SCAF4: variants seen among roughly 807,000 people sequenced by gnomAD.
SCAF4 encodes SR-related and CTD-associated factor 4.
In SCAF4, 25 loss-of-function variants were observed where a neutral mutation model predicts 129.8. That is an observed-to-expected ratio of 0.19 (90% CI 0.14 to 0.27). The LOEUF is 0.27. Among genes scored for constraint, SCAF4 ranks in the 10% least tolerant of loss-of-function variants. The pLI is 1.00. For synonymous variants in SCAF4, 551 were observed against 497.7 expected, an observed-to-expected ratio of 1.11 and a Z score of -1.43; for missense variants, 1,246 against 1,457.1, an observed-to-expected ratio of 0.86 and a Z score of 2.36.
chr21:31,682,523 T>G (rs964513487), intron 19 of SCAF4, among the ~76,000 whole-genome samples: 1 of 152,212 alleles, frequency 6.6e-6, no homozygotes, highest in East Asian at 1.9e-4. Context: ...ACCTGTAATA[T>G]AAGCACCCAC....
chr21:31,687,141 C>G (rs576022693), intron 16 of SCAF4, among the ~76,000 whole-genome samples: 1 of 152,192 alleles, frequency 6.6e-6, no homozygotes, highest in Non-Finnish European at 1.5e-5. Context: ...AATTCACTTT[C>G]ATGATAGCTC....
chr21:31,705,427 T>C lies in SCAF4; in HGVS notation c.155A>G (p.Lys52Arg), dbSNP rs1199367273. Residue 52 changes from lysine (K) to arginine (R), a missense_variant, in exon 3 of 20, where the codon AAA becomes AGA. By Grantham distance (26) the Lys-to-Arg change is conservative. This residue lies in a region of SCAF4 where 56 missense variants were observed against 139.4 expected (regional missense o/e 0.40). Transcript: ENST00000286835. Reference protein sequence around the residue: ...HVVQIVEKFIKKCKPEYKVPG... With the variant: ...HVVQIVEKFIRKCKPEYKVPG... ...GTTATAATGAGAGATAGTTACCTTT[T>C]TGATGAACTTTTCTACTATTTGAAC... The C allele has an allele frequency of 1.6e-6, 2 of 1,262,582 alleles. No homozygotes were observed. The highest frequency in any genetic ancestry group is 2.5e-5 in the East Asian group (1 of 40,050). 78.2% of individuals were successfully genotyped at this position (1,262,582 alleles called of 1,614,324 possible). A position where few individuals can be genotyped will look rare whatever the true frequency, so the allele number is the denominator to read the frequency against.
intron 19 of SCAF4, among the ~76,000 whole-genome samples, chr21:31,677,958 C>T (rs893353371): frequency 6.6e-6 from 1 of 152,010 alleles, no homozygotes; most frequent in South Asian, 2.1e-4. Flanking sequence ...GTTTCTGGCA[C>T]GTGGAACTAT....
chr21:31,681,711 A>G (rs979601500), intron 19 of SCAF4, among the ~76,000 whole-genome samples: 1 of 152,228 alleles, frequency 6.6e-6, no homozygotes, highest in African/African-American at 2.4e-5. Context: ...CAGTATTACT[A>G]AAAGAATCAA....
At chr21:31,731,175 G>A (rs2051344942) in intron 1 of SCAF4, among the ~76,000 whole-genome samples, 2 of 152,136 alleles carry the variant, frequency 1.3e-5, no homozygotes, top group South Asian at 4.1e-4. Flanking sequence ...GACGCGCCGC[G>A]GCCTGAGCAA....
intron 1 of SCAF4, among the ~76,000 whole-genome samples, chr21:31,722,855 A>C (rs898622215): frequency 1.3e-5 from 2 of 152,178 alleles, no homozygotes; most frequent in Non-Finnish European, 2.9e-5. Context: ...CAGGAGGCTG[A>C]GGCAAGGAAA....
chr21:31,676,387 C>T (rs1264677968), intron 19 of SCAF4, among the ~76,000 whole-genome samples: 2 of 152,266 alleles, frequency 1.3e-5, no homozygotes, highest in East Asian at 1.9e-4. Context: ...CCTCACAAGG[C>T]CCTTCATGTT....
chr21:31,729,459 G>A (rs1339073043), intron 1 of SCAF4, among the ~76,000 whole-genome samples: 1 of 152,188 alleles, frequency 6.6e-6, no homozygotes, highest in African/African-American at 2.4e-5. Context: ...AGACTTTTAG[G>A]TGACTGAAAT....
rs1454153496 is a variant in SCAF4 at position 31,702,488 on chromosome 21, A to G, written c.322-109T>C. On this transcript the variant is annotated intron_variant, in intron 4 of 19. Coordinates refer to ENST00000286835, the MANE Select transcript of SCAF4 (RefSeq NM_020706.2). ...CTCCCTAGGCTAATATTTCCATACT[A>G]TGTGTGTTTCATAAACAAGGAAAAA... The G allele has an allele frequency of 1.9e-5, 18 of 958,218 alleles. No individual in the cohort carries two copies. In the Middle Eastern group the frequency reaches 9.7e-4, roughly 52 times the overall value. 59.4% of individuals were successfully genotyped at this position (958,218 alleles called of 1,614,324 possible). A position where few individuals can be genotyped will look rare whatever the true frequency, so the allele number is the denominator to read the frequency against.
chr21:31,706,660 A>G (rs74472877), intron 1 of SCAF4: 3,435 of 338,472 alleles, frequency 0.01, 133 homozygotes, highest in African/African-American at 0.067. Flanking sequence ...TGCTCCTGCA[A>G]AAGTGGAAAT....
chr21:31,706,092 A>G (rs2050655641), intron 2 of SCAF4, among the ~76,000 whole-genome samples, 182 bp downstream of exon 2: 1 of 152,148 alleles, frequency 6.6e-6, no homozygotes, highest in Non-Finnish European at 1.5e-5. Context: ...AAAAAACCAC[A>G]CTGCTTTGAA....
intron 16 of SCAF4, among the ~76,000 whole-genome samples, chr21:31,686,558 T>C (rs1231843325): frequency 6.6e-6 from 1 of 152,152 alleles, no homozygotes; most frequent in African/African-American, 2.4e-5. Context: ...TACTAAGTGC[T>C]GGTGCCTGGC....
intron 1 of SCAF4, among the ~76,000 whole-genome samples, chr21:31,724,978 G>A (rs533588046): frequency 2.0e-5 from 3 of 152,252 alleles, no homozygotes; most frequent in African/African-American, 7.2e-5. Flanking sequence ...TCACTTTATC[G>A]CAATCACTAT....
chr21:31,715,994 T>C (rs2050912100), intron 1 of SCAF4, among the ~76,000 whole-genome samples: 1 of 152,154 alleles, frequency 6.6e-6, no homozygotes, highest in Admixed American at 6.5e-5. Flanking sequence ...CTAAAATTAA[T>C]AAAAACTGGC....
chr21:31,685,652 G>A lies in SCAF4; in HGVS notation c.2125C>T (p.Pro709Ser). 6.2e-7 allele frequency: 1 copy of A among 1,614,006 alleles called. No homozygotes were observed. The highest frequency in any genetic ancestry group is 8.5e-7 in the Non-Finnish European group (1 of 1,179,974). Residue 709 changes from proline to serine, a missense_variant, in exon 17 of 20, where the codon CCA becomes TCA. Physicochemically the swap from Pro to Ser is moderately conservative, Grantham distance 74. Around this residue, in one of 6 missense-constraint regions of SCAF4, gnomAD observed 468 missense variants for 605.5 expected, o/e 0.77. Coordinates refer to ENST00000286835, the MANE Select transcript of SCAF4 (RefSeq NM_020706.2). ...GGAGGAACACCAGGACCAAAGCCTGGAGGCGGTATTCCCAGAGGAGGCGTG... is the reference window on the plus strand; with the variant it reads ...GGAGGAACACCAGGACCAAAGCCTGAAGGCGGTATTCCCAGAGGAGGCGTG... ...AFTPPLGIPP[P>S]GFGPGVPPPP...
intron 19 of SCAF4, among the ~76,000 whole-genome samples, chr21:31,679,339 G>GT (rs952934225): frequency 3.0e-4 from 42 of 139,088 alleles, no homozygotes; most frequent in South Asian, 1.1e-3. Flanking sequence ...ATATCCCTAG[G>GT]TTTTTTTTTT....
chr21:31,688,240 C>G, intron 16 of SCAF4, 67 bp downstream of exon 16: 1 of 1,420,982 alleles, frequency 7.0e-7, no homozygotes. Context: ...AGACATATAT[C>G]TACAGTAAGA....
Position 31,702,252 on chromosome 21 carries a change from T to C in SCAF4, c.449A>G (p.Asn150Ser), listed in dbSNP as rs754567146. 17 of 1,613,992 alleles carry C rather than the reference T, an allele frequency of 1.1e-5. No homozygotes were observed. The highest frequency in any genetic ancestry group is 1.1e-5 in the South Asian group (1 of 91,072). ...NAAPVAENVTNNEGSPPPPVK... is the reference protein window; with the variant it reads ...NAAPVAENVTSNEGSPPPPVK... ...GATACATCTGACCATACCTTCATTA[T>C]TGGTAACATTTTCTGCTACTGGGGC... The change falls in exon 5 of 20, where the codon AAT becomes AGT. Residue 150 changes from asparagine (N) to serine (S), a missense_variant. Transcript: ENST00000286835.
At chr21:31,727,021 C>T (rs574914392) in intron 1 of SCAF4, among the ~76,000 whole-genome samples, 3 of 152,078 alleles carry the variant, frequency 2.0e-5, no homozygotes, top group Non-Finnish European at 4.4e-5. Flanking sequence ...ATTAAAAACA[C>T]AAAATAGTAA....
Sources: gnomAD v4.1 joint callset for allele counts (sites outside exome capture counted in the v4.1 genomes callset) on GRCh38, gnomAD v4.1.1 for gene constraint, gnomAD v4.1.1 regional missense constraint, MANE v1.5 for transcripts, NCBI Gene and HGNC (gene_info 2026-07-23, HGNC 2026-07-21) for gene names.